CDH16: variants seen among roughly 807,000 people sequenced by gnomAD.
The protein encoded by CDH16 is cadherin-16.
In CDH16, 79 loss-of-function variants were observed where a neutral mutation model predicts 87.6. That is an observed-to-expected ratio of 0.90 (90% confidence interval 0.75 to 1.09). The LOEUF (loss-of-function observed/expected upper bound fraction) is 1.09. CDH16 is among the 50% of genes least tolerant of loss of function. The pLI, the probability that CDH16 is intolerant of heterozygous loss-of-function variation, is 0.00. For synonymous variants in CDH16, 457 were observed against 439.5 expected (o/e 1.04, Z -0.50); for missense variants, 1,124 against 1,071.7 (o/e 1.05, Z -0.68).
chr16:66,911,547 C>G lies in CDH16; in HGVS notation c.1791-232G>C, dbSNP rs186023100. Among the ~76,000 whole-genome samples the G allele has an allele frequency of 4.9e-4, 74 of 152,262 alleles. 1 individual carries two copies. Among genetic ancestry groups the G allele is most frequent in the Non-Finnish European group, 7.4e-4 (50 of 68,010 alleles). On this transcript the variant is annotated intron_variant, in intron 13 of 17. Transcript: ENST00000299752. The stretch of plus-strand genomic sequence containing the variant: ...GTGGGTAAGGGAGAAACTCTTAGAG[C>G]CTGGGAGGCCCATTTCAACTTTGCT...
At position 66,909,852 on chromosome 16, in the gene CDH16, A is replaced by G; in HGVS notation, c.2275+134T>C. ...CCTGTGTGCCCAGGTATGTGTGCCCAGCCATAGGTGTGCAAGTGTGCACAG... is the reference window on the plus strand; with the variant it reads ...CCTGTGTGCCCAGGTATGTGTGCCCGGCCATAGGTGTGCAAGTGTGCACAG... On this transcript the variant is annotated intron_variant, in intron 16 of 17. Transcript: ENST00000299752. This position sits in a 1 kb window ranked among gnomAD's most constrained non-coding sequence, Gnocchi z 4.1. The G allele has an allele frequency of 1.5e-6, 1 of 680,762 alleles. No homozygotes were observed. Among genetic ancestry groups the G allele is most frequent in the East Asian group, 2.6e-5 (1 of 38,068 alleles). 42.2% of individuals were successfully genotyped at this position (680,762 alleles called of 1,614,324 possible).
chr16:66,913,213 C>A lies in CDH16; in HGVS notation c.972G>T (p.Val324=). The change falls in exon 9 of 18, where the codon GTG becomes GTT. Residue 324 remains valine, a synonymous_variant. Coordinates refer to ENST00000299752, the MANE Select transcript of CDH16 (RefSeq NM_004062.4). ...CGTTGTCATTCTCATCCATCACCAG[C>A]ACGTGCAGCTCCAGAGGGGCCGCAT... ...EDYAAPLELH[V]LVMDENDNVP... 1.3e-6 allele frequency: 2 copies of A among 1,597,266 alleles called. No homozygotes were observed. The highest frequency in any genetic ancestry group is 1.7e-6 in the Non-Finnish European group (2 of 1,172,078).
intron 1 of CDH16, 144 bp from the exon 2 acceptor site, chr16:66,918,222 G>A: frequency 1.8e-6 from 1 of 556,072 alleles, no homozygotes; most frequent in South Asian, 3.8e-5. Context: ...CTCCTGCAGG[G>A]TAGTGCCCTG....
intron 2 of CDH16, 90 bp downstream of exon 2, chr16:66,917,931 G>T: frequency 8.3e-7 from 1 of 1,198,146 alleles, no homozygotes; most frequent in Non-Finnish European, 1.2e-6. Flanking sequence ...CGTTCTCACG[G>T]TCAGTGCAAT....
chr16:66,915,245 C>T lies in CDH16; in HGVS notation c.558G>A (p.Leu186=), dbSNP rs267604594. 3 of 1,612,870 alleles carry T rather than the reference C, an allele frequency of 1.9e-6. No individual in the cohort carries two copies. The highest frequency in any genetic ancestry group is 1.7e-6 in the Non-Finnish European group (2 of 1,179,798). ...SPDMFQLEPR[L]GALALSPKGS... Reference sequence around the variant, plus strand: ...CCTTGGGGCTGAGGGCCAGAGCCCCCAGCCGAGGCTCCAGCTGGAACATGT... The same window carrying T: ...CCTTGGGGCTGAGGGCCAGAGCCCCTAGCCGAGGCTCCAGCTGGAACATGT... Residue 186 remains leucine (L), a synonymous_variant, in exon 6 of 18, where the codon CTG becomes CTA. Coordinates refer to ENST00000299752, the MANE Select transcript of CDH16 (RefSeq NM_004062.4).
rs747186297 is a variant in CDH16, at chr16:66,911,229, G to T, written c.1877C>A (p.Ala626Asp). 1.9e-6 allele frequency: 3 copies of T among 1,613,512 alleles called. No individual in the cohort carries two copies. The highest frequency in any genetic ancestry group is 2.5e-6 in the Non-Finnish European group (3 of 1,179,864). ...EVHTAQSLQGAQPGDTYTVLV... is the reference protein window; with the variant it reads ...EVHTAQSLQGDQPGDTYTVLV... ...CACCGTGTAGGTGTCCCCAGGCTGG[G>T]CGCCCTGCAGGGACTGGGCGGTGTG... The change falls in exon 14 of 18, where the codon GCC becomes GAC. Residue 626 changes from alanine (A) to aspartate (D), a missense_variant. Transcript: ENST00000299752.
Position 66,912,790 on chromosome 16 carries a change from CCCCAT to C in CDH16, c.1151_1155del (p.Asp384GlyfsTer49). 6.2e-7 allele frequency: 1 copy of C among 1,613,720 alleles called. No individual in the cohort carries two copies. The highest frequency in any genetic ancestry group is 1.1e-5 in the South Asian group (1 of 91,082). On this transcript the variant is annotated frameshift_variant, in exon 10 of 18. Transcript: ENST00000299752. LOFTEE classifies it high-confidence loss of function. Reference sequence around the variant, plus strand: ...TCCACCTGGAAGGCTCTCCCCTCTACCCCATCCTCAGGCTCAGGGCTCAGGAGCTG... The same window carrying C: ...TCCACCTGGAAGGCTCTCCCCTCTACCCTCAGGCTCAGGGCTCAGGAGCTG...
At position 66,911,326 on chromosome 16, in the gene CDH16, A is replaced by G. The variant is rs1267884131; in HGVS notation, c.1791-11T>C. The G allele has an allele frequency of 2.5e-6, 4 of 1,612,628 alleles. No homozygotes were observed. Among genetic ancestry groups the G allele is most frequent in the Admixed American group, 1.7e-5 (1 of 59,874 alleles). The stretch of plus-strand genomic sequence containing the variant: ...TTGACTAGGGAGAACCTGCCGCCCA[A>G]AGAAGGAGGTGAGGAGGTACTGGGA... On this transcript the variant is annotated splice_polypyrimidine_tract_variant and intron_variant, in intron 13 of 17. Coordinates refer to ENST00000299752, the MANE Select transcript of CDH16 (RefSeq NM_004062.4).
In CDH16 at chr16:66,908,230, C is replaced by T. The variant is rs1279050132; in HGVS notation, c.*162G>A. The T allele has an allele frequency of 1.3e-5, 8 of 619,168 alleles. No individual in the cohort carries two copies. The highest frequency in any genetic ancestry group is 2.3e-5 in the Non-Finnish European group (8 of 348,578). The allele number at this position is 619,168 out of a possible 1,614,324, so 38.4% of individuals were successfully genotyped here. ...AGTCCATAAAGTTGGTGTCCAGGCT[C>T]TGCAGACATGCCTGGTGATGGTGAT... On this transcript the variant is annotated 3_prime_UTR_variant, in exon 18 of 18. Coordinates refer to ENST00000299752, the MANE Select transcript of CDH16 (RefSeq NM_004062.4).
rs2271023 is a variant in CDH16, at chr16:66,914,227, G to T, written c.769C>A (p.His257Asn). The part of the protein sequence containing the change: ...AENLKVLYPH[H>N]MAQVHWSGGD... ...AGCCACTTACTCACCTGGGCCATGT[G>T]GTGCGGGTATAGGACTTTGAGATTC... is the stretch of plus-strand genomic sequence containing the variant. The change falls in exon 7 of 18, where the codon CAC becomes AAC. Residue 257 changes from histidine (H) to asparagine (N), a missense_variant. By Grantham distance (68) the His-to-Asn change is moderately conservative (BLOSUM62 1). Coordinates refer to ENST00000299752, the MANE Select transcript of CDH16 (RefSeq NM_004062.4). 3 of 1,612,966 alleles carry T rather than the reference G, an allele frequency of 1.9e-6. No homozygotes were observed. Among genetic ancestry groups the T allele is most frequent in the Middle Eastern group, 1.7e-4 (1 of 6,058 alleles).
intron 9 of CDH16, 74 bp downstream of exon 9, chr16:66,913,057 G>A: frequency 1.3e-6 from 2 of 1,508,150 alleles, no homozygotes; most frequent in Non-Finnish European, 1.8e-6. Flanking sequence ...GCCTGAGGCT[G>A]GGTCCTTATC....
At chr16:66,917,605 G>T in intron 3 of CDH16, 37 bp downstream of exon 3, 1 of 1,474,644 alleles carries the variant, frequency 6.8e-7, no homozygotes, top group Non-Finnish European at 9.5e-7. Flanking sequence ...TTGCGGGGAG[G>T]GATCCCCCCG....
chr16:66,918,101 T>C (rs769454610), intron 1 of CDH16, 23 bp from the exon 2 acceptor site: 1 of 1,534,864 alleles, frequency 6.5e-7, no homozygotes, highest in Non-Finnish European at 8.8e-7. Context: ...GCAGTGAGGA[T>C]CCAGCCCAGG....
At position 66,912,650 on chromosome 16, in the gene CDH16, A is replaced by G. The variant is rs1358212082; in HGVS notation, c.1282+14T>C. The G allele has an allele frequency of 1.1e-5, 17 of 1,613,904 alleles. No homozygotes were observed. Among genetic ancestry groups the G allele is most frequent in the East Asian group, 6.7e-5 (3 of 44,864 alleles). ...AGGGGACAGGGGGCCTGGGTCACCA[A>G]TCAGGGCACTTACCACCCTCTGCGC... On this transcript the variant is annotated intron_variant, in intron 10 of 17. Coordinates refer to ENST00000299752, the MANE Select transcript of CDH16 (RefSeq NM_004062.4).
rs1962431906 is a variant in CDH16 at position 66,911,888 on chromosome 16, T to C, written c.1790+11A>G. On this transcript the variant is annotated intron_variant, in intron 13 of 17. Transcript: ENST00000299752. ...ATCCAGTCCAGGTAAGGGGCTGGGA[T>C]TTTAGCTCACCTGAGGGTTCGGCTG... is the stretch of plus-strand genomic sequence containing the variant. The C allele has an allele frequency of 6.3e-7, 1 of 1,578,296 alleles. No homozygotes were observed. The highest frequency in any genetic ancestry group is 1.7e-5 in the Admixed American group (1 of 58,054).
In CDH16 at chr16:66,908,265, AC is replaced by A; in HGVS notation, c.*126del. On this transcript the variant is annotated 3_prime_UTR_variant, in exon 18 of 18. Transcript: ENST00000299752. Reference sequence around the variant, plus strand: ...GCCTGGTGATGGTGATGGTGCCTCCACCCCAGGGCAGATGGAGGGGCTTCTA... The same window carrying A: ...GCCTGGTGATGGTGATGGTGCCTCCACCCAGGGCAGATGGAGGGGCTTCTA... The A allele has an allele frequency of 2.8e-6, 2 of 705,412 alleles. No individual in the cohort carries two copies. The highest frequency in any genetic ancestry group is 4.9e-6 in the Non-Finnish European group (2 of 411,778). 43.7% of individuals were successfully genotyped at this position (705,412 alleles called of 1,614,324 possible).
rs779418445 is a variant in CDH16 at position 66,913,617 on chromosome 16, G to A, written c.781-4C>T. The A allele has an allele frequency of 6.6e-5, 107 of 1,613,688 alleles. No individual in the cohort carries two copies. Among genetic ancestry groups the A allele is most frequent in the Admixed American group, 1.0e-4 (6 of 59,988 alleles). On this transcript the variant is annotated splice_polypyrimidine_tract_variant and splice_region_variant and intron_variant, in intron 7 of 17. Coordinates refer to ENST00000299752, the MANE Select transcript of CDH16 (RefSeq NM_004062.4). ...CATCACCCCCACTCCAGTGTACCTG[G>A]GGGGGACACCCCGGGCCAAGGGGCA... is the stretch of plus-strand genomic sequence containing the variant.
At position 66,911,681 on chromosome 16, in the gene CDH16, G is replaced by T. The variant is rs1428671861; in HGVS notation, c.1790+218C>A. Among the ~76,000 whole-genome samples, 3 of 152,150 alleles carry T rather than the reference G, an allele frequency of 2.0e-5. No individual in the cohort carries two copies. The East Asian group carries it at 5.8e-4, about 29-fold the overall frequency. ...CCTGGTCCTCCCTCCAGGTGCTGAG[G>T]CATAATCTGAGCTCTCATGGGGTCC... On this transcript the variant is annotated intron_variant, in intron 13 of 17. Coordinates refer to ENST00000299752, the MANE Select transcript of CDH16 (RefSeq NM_004062.4).
rs781586837 is a variant in CDH16, at chr16:66,909,305, G to A, written c.2354C>T (p.Ser785Leu). The change falls in exon 17 of 18, where the codon TCG becomes TTG. Residue 785 changes from serine (S) to leucine (L), a missense_variant. Physicochemically the swap from Ser to Leu is moderately radical, Grantham distance 145. Transcript: ENST00000299752. The surrounding 1 kb of genome is among the most constrained non-coding windows in gnomAD (Gnocchi z 4.1). ...GRMKGMPTKL[S>L]AVGILVGTLV... ...GGTGCCTACAAGGATGCCCACTGCC[G>A]ACAGCTTCGTGGGCATGCCCTTCAT... The A allele has an allele frequency of 1.4e-5, 23 of 1,613,134 alleles. No individual in the cohort carries two copies. The highest frequency in any genetic ancestry group is 2.2e-5 in the East Asian group (1 of 44,858).
Sources: allele counts gnomAD v4.1 joint callset (sites outside exome capture counted in the v4.1 genomes callset), GRCh38; gene constraint gnomAD v4.1.1; non-coding constraint Gnocchi (gnomAD v3.1); transcripts MANE v1.5; gene names NCBI Gene and HGNC (gene_info 2026-07-23, HGNC 2026-07-21).